PABPC4L: variants seen among roughly 807,000 people sequenced by gnomAD.
PABPC4L encodes poly(A) binding protein cytoplasmic 4 like.
For synonymous variants in PABPC4L, 169 were observed against 164.1 expected (o/e 1.03, Z -0.23); for missense variants, 452 against 451.4 (o/e 1.00, Z -0.01).
chr4:134,163,762 G>A, the PABPC4L span, among the ~76,000 whole-genome samples: 375 of 152,182 alleles, frequency 2.5e-3, 1 homozygote, highest in African/African-American at 8.5e-3. Flanking sequence ...CATCTCAATA[G>A]ATACAGAAAA....
At chr4:133,993,275 C>T in the PABPC4L span, among the ~76,000 whole-genome samples, 14 of 152,120 alleles carry the variant, frequency 9.2e-5, no homozygotes, top group East Asian at 1.7e-3. Flanking sequence ...AGAATGAACA[C>T]GTTCTACTGT....
the PABPC4L span, among the ~76,000 whole-genome samples, chr4:134,134,658 G>A: frequency 9.1e-4 from 136 of 149,136 alleles, no homozygotes; most frequent in African/African-American, 3.2e-3. Flanking sequence ...AGCCAAAATA[G>A]CAATTTTATA....
the PABPC4L span, among the ~76,000 whole-genome samples, chr4:134,068,022 A>G: frequency 1.3e-5 from 2 of 152,120 alleles, no homozygotes; most frequent in Non-Finnish European, 2.9e-5. Flanking sequence ...TGCTCTTTAG[A>G]TATTTGTTAG....
At chr4:134,116,778 C>G in the PABPC4L span, among the ~76,000 whole-genome samples, 1 of 151,666 alleles carries the variant, frequency 6.6e-6, no homozygotes, top group African/African-American at 2.4e-5. Context: ...GTTTAAAGCA[C>G]CCAACCAGAT....
At chr4:134,072,837 G>A in the PABPC4L span, among the ~76,000 whole-genome samples, 1 of 152,056 alleles carries the variant, frequency 6.6e-6, no homozygotes, top group East Asian at 1.9e-4. Flanking sequence ...CGAGCACAAG[G>A]GGGAAATGGG....
chr4:134,000,739 A>G, the PABPC4L span, among the ~76,000 whole-genome samples: 5 of 152,032 alleles, frequency 3.3e-5, no homozygotes, highest in African/African-American at 7.2e-5. Flanking sequence ...GAAAGTGGAG[A>G]AAGGGAGGAC....
At chr4:134,063,960 C>A in the PABPC4L span, among the ~76,000 whole-genome samples, 1 of 151,916 alleles carries the variant, frequency 6.6e-6, no homozygotes, top group Admixed American at 6.6e-5. Context: ...AATCATATAT[C>A]CAAGGACACT....
the PABPC4L span, among the ~76,000 whole-genome samples, chr4:134,175,177 A>G: frequency 6.6e-6 from 1 of 152,156 alleles, no homozygotes; most frequent in Non-Finnish European, 1.5e-5. Flanking sequence ...AAATATAAGT[A>G]CCCGCGAAAA....
chr4:134,151,821 G>T, the PABPC4L span, among the ~76,000 whole-genome samples: 1 of 151,730 alleles, frequency 6.6e-6, no homozygotes, highest in African/African-American at 2.4e-5. Flanking sequence ...TTGGACAACA[G>T]AAAAATATGT....
At chr4:134,096,247 G>A in the PABPC4L span, among the ~76,000 whole-genome samples, 1 of 151,936 alleles carries the variant, frequency 6.6e-6, no homozygotes, top group Non-Finnish European at 1.5e-5. Context: ...AGATGAAAGT[G>A]ATGGGACTGA....
At position 134,200,267 on chromosome 4, in the gene PABPC4L, A is replaced by T. The variant is rs1560839663; in HGVS notation, c.753T>A (p.Asn251Lys). Residue 251 changes from asparagine (N) to lysine (K), a missense_variant, in exon 2 of 2, where the codon AAT (asparagine) becomes AAA (lysine). Coordinates refer to ENST00000421491, the MANE Select transcript of PABPC4L (RefSeq NM_001114734.2). ...EAAKKAVEEM[N>K]GRDINGQLIF... Reference sequence around the variant, plus strand: ...TCAGCTGCCCATTTATGTCCCTTCCATTCATTTCTTCAACAGCTTTCTTGG... The same window carrying T: ...TCAGCTGCCCATTTATGTCCCTTCCTTTCATTTCTTCAACAGCTTTCTTGG... 6.4e-7 allele frequency: 1 copy of T among 1,560,230 alleles called. No individual in the cohort carries two copies. Among genetic ancestry groups the T allele is most frequent in the Non-Finnish European group, 8.7e-7 (1 of 1,151,484 alleles).
chr4:134,015,041 T>TC, the PABPC4L span, among the ~76,000 whole-genome samples: 6 of 151,786 alleles, frequency 4.0e-5, no homozygotes, highest in African/African-American at 1.5e-4. Context: ...TCCTCTTTTA[T>TC]CCCCCCACCT....
the PABPC4L span, among the ~76,000 whole-genome samples, chr4:134,017,412 C>T: frequency 2.0e-5 from 3 of 152,198 alleles, no homozygotes; most frequent in East Asian, 3.9e-4. Context: ...AACTTGTCAT[C>T]CCTACTTCTT....
chr4:134,021,327 G>A, the PABPC4L span, among the ~76,000 whole-genome samples: 1 of 152,160 alleles, frequency 6.6e-6, no homozygotes. Context: ...CTGTGTAGAA[G>A]GTGGCACAGA....
At chr4:134,189,436 G>T in the PABPC4L span, among the ~76,000 whole-genome samples, 4 of 151,598 alleles carry the variant, frequency 2.6e-5, no homozygotes, top group African/African-American at 7.3e-5. Flanking sequence ...GGTATATATG[G>T]TATATATGTA....
At chr4:134,184,005 A>C in the PABPC4L span, among the ~76,000 whole-genome samples, 1 of 151,780 alleles carries the variant, frequency 6.6e-6, no homozygotes, top group African/African-American at 2.4e-5. Flanking sequence ...ATATCTATGG[A>C]TATTCATAGG....
At chr4:134,143,474 T>A in the PABPC4L span, among the ~76,000 whole-genome samples, 1 of 150,564 alleles carries the variant, frequency 6.6e-6, no homozygotes, top group East Asian at 2.0e-4. Context: ...CATAGATTTT[T>A]AAGATATTTT....
chr4:134,050,631 G>C, the PABPC4L span, among the ~76,000 whole-genome samples: 2 of 147,714 alleles, frequency 1.4e-5, no homozygotes, highest in Non-Finnish European at 3.0e-5. Context: ...CTTGAATCTG[G>C]GAGGCAGGGG....
At chr4:134,194,828 T>A (rs73858046), downstream of PABPC4L, among the ~76,000 whole-genome samples, 3,433 of 151,664 alleles carry the variant, frequency 0.023, 130 homozygotes, top group African/African-American at 0.078. Flanking sequence ...ACAAGAAAAG[T>A]TTTAAAGAAT....
Sources: gnomAD v4.1 joint callset for allele counts (sites outside exome capture counted in the v4.1 genomes callset) on GRCh38, gnomAD v4.1.1 for gene constraint, MANE v1.5 for transcripts, NCBI Gene and HGNC (gene_info 2026-07-23, HGNC 2026-07-21) for gene names.